MROH9: variants seen among roughly 807,000 people sequenced by gnomAD.
MROH9 encodes maestro heat like repeat family member 9.
Under a neutral mutation model 98.2 loss-of-function variants are expected in MROH9, and 92 were observed. That is an observed-to-expected ratio of 0.94 (90% CI 0.79 to 1.11). The LOEUF (loss-of-function observed/expected upper bound fraction) is 1.11, where lower values mean the gene tolerates loss of function less well. Ranked by LOEUF, MROH9 falls within the 50% of genes most tolerant of loss-of-function variation. The probability of loss-of-function intolerance (pLI) is 0.00; values close to 1 mark genes in which losing one functional copy is unlikely to be tolerated. For missense variants in MROH9, 1,057 were observed against 1,014.8 expected, an observed-to-expected ratio of 1.04 and a Z score of -0.57; for synonymous variants, 397 against 368.9, an observed-to-expected ratio of 1.08 and a Z score of -0.87.
intron 1 of MROH9, among the ~76,000 whole-genome samples, chr1:170,935,999 A>G (rs1557863909): frequency 1.3e-5 from 2 of 150,262 alleles, no homozygotes; most frequent in African/African-American, 2.5e-5. Flanking sequence ...AAAAAAAAAA[A>G]AAAAAAAAAG....
At chr1:170,997,173 G>A (rs979662670) in intron 14 of MROH9, among the ~76,000 whole-genome samples, 1 of 152,090 alleles carries the variant, frequency 6.6e-6, no homozygotes, top group Admixed American at 6.6e-5. Flanking sequence ...CAAAATACGG[G>A]CTGTTGACAA....
At chr1:170,962,257 A>ATAG (rs1650042357) in intron 6 of MROH9, among the ~76,000 whole-genome samples, 1 of 152,170 alleles carries the variant, frequency 6.6e-6, no homozygotes. Flanking sequence ...GTAGCAGAGA[A>ATAG]TAGTATTAGA....
At chr1:170,958,429 C>CTTTTTTTTTTT (rs374865486) in intron 3 of MROH9, 32 bp from the exon 4 acceptor site, 1 of 902,180 alleles carries the variant, frequency 1.1e-6, no homozygotes, top group Admixed American at 2.7e-5. Context: ...ATTAATTCTT[C>CTTTTTTTTTTT]TTTTTTTTTT....
At chr1:170,939,523 C>T (rs1649034879) in intron 1 of MROH9, among the ~76,000 whole-genome samples, 2 of 152,166 alleles carry the variant, frequency 1.3e-5, no homozygotes, top group Admixed American at 6.5e-5. Context: ...TAGGGAACTC[C>T]CCATGAAGCC....
chr1:170,968,803 G>C (rs75398712), intron 7 of MROH9, among the ~76,000 whole-genome samples: 8,773 of 152,046 alleles, frequency 0.058, 363 homozygotes, highest in Middle Eastern at 0.13. Flanking sequence ...ATAATGCAGG[G>C]TACAGATGCG....
At chr1:170,966,408 T>G (rs192898005) in intron 7 of MROH9, among the ~76,000 whole-genome samples, 2 of 152,250 alleles carry the variant, frequency 1.3e-5, no homozygotes, top group East Asian at 3.9e-4. Flanking sequence ...AACTCATCCT[T>G]CACAGCGATT....
At chr1:170,941,060 A>C (rs1403681673) in intron 1 of MROH9, among the ~76,000 whole-genome samples, 2 of 152,160 alleles carry the variant, frequency 1.3e-5, no homozygotes. Flanking sequence ...CCACTGTTAG[A>C]AGGACCTGAG....
At chr1:170,984,664 C>G (rs1651061133) in intron 9 of MROH9, among the ~76,000 whole-genome samples, 1 of 152,142 alleles carries the variant, frequency 6.6e-6, no homozygotes, top group African/African-American at 2.4e-5. Context: ...ATCACAGCCT[C>G]TAGGTTGGTG....
chr1:171,000,652 T>A (rs1232389590), intron 15 of MROH9, among the ~76,000 whole-genome samples: 3 of 152,168 alleles, frequency 2.0e-5, no homozygotes, highest in African/African-American at 7.2e-5. Flanking sequence ...AGTATTTTGT[T>A]AAGGATTTTA....
intron 2 of MROH9, among the ~76,000 whole-genome samples, chr1:170,946,674 A>T (rs1285025663): frequency 2.6e-5 from 4 of 151,936 alleles, no homozygotes; most frequent in South Asian, 2.1e-4. Context: ...TTATTTTTTT[A>T]AAAAAAGAAT....
At chr1:171,034,675 A>G (rs1426210158) in intron 20 of MROH9, among the ~76,000 whole-genome samples, 2 of 152,242 alleles carry the variant, frequency 1.3e-5, no homozygotes, top group Non-Finnish European at 2.9e-5. Flanking sequence ...TGTCATAAAT[A>G]TACTATCAGA....
chr1:170,946,033 C>A (rs1207361043), intron 2 of MROH9, among the ~76,000 whole-genome samples: 1 of 151,372 alleles, frequency 6.6e-6, no homozygotes, highest in African/African-American at 2.4e-5. Flanking sequence ...AAAACTAAAC[C>A]AGAACAAAAT....
chr1:170,938,525 G>C (rs896220096), intron 1 of MROH9, among the ~76,000 whole-genome samples: 2 of 152,180 alleles, frequency 1.3e-5, no homozygotes, highest in African/African-American at 4.8e-5. Context: ...CATCAAACAA[G>C]TGGCTTTAGG....
chr1:170,943,167 C>T (rs61815206), intron 1 of MROH9, among the ~76,000 whole-genome samples: 7,562 of 151,538 alleles, frequency 0.05, 214 homozygotes, highest in Admixed American at 0.065. Context: ...AAATATCAAA[C>T]GGCAGATGAA....
intron 15 of MROH9, chr1:170,998,852 A>ATAT (rs1651686609): frequency 4.4e-6 from 3 of 687,416 alleles, no homozygotes; most frequent in Non-Finnish European, 5.4e-6. Context: ...TAATAGGCAC[A>ATAT]TATTACCTAA....
chr1:171,063,697 A>G (rs886066940), intron 21 of MROH9, among the ~76,000 whole-genome samples: 4 of 152,260 alleles, frequency 2.6e-5, no homozygotes, highest in African/African-American at 7.2e-5. Flanking sequence ...ATATGTATGT[A>G]GCATTTCATT....
chr1:171,034,554 A>G (rs981471322), intron 20 of MROH9, among the ~76,000 whole-genome samples: 1 of 152,238 alleles, frequency 6.6e-6, no homozygotes, highest in African/African-American at 2.4e-5. Context: ...GAGCAGAGGT[A>G]TGCTTAATAT....
At chr1:170,986,739 C>A in intron 10 of MROH9, 29 bp downstream of exon 10, 1 of 1,607,192 alleles carries the variant, frequency 6.2e-7, no homozygotes, top group Non-Finnish European at 8.5e-7. Context: ...AGCAGGAGAG[C>A]ACAGGGTTTA....
chr1:170,988,615 C>T (rs535533736), intron 10 of MROH9, among the ~76,000 whole-genome samples: 32 of 152,296 alleles, frequency 2.1e-4, no homozygotes, highest in African/African-American at 7.7e-4. Flanking sequence ...CCAACCCCAG[C>T]TCCCACAAGC....
Sources: allele counts gnomAD v4.1 joint callset (sites outside exome capture counted in the v4.1 genomes callset), GRCh38; gene constraint gnomAD v4.1.1; transcripts MANE v1.5; gene names NCBI Gene and HGNC (gene_info 2026-07-23, HGNC 2026-07-21).